Variants in TCF12 observed in about 807,000 individuals in gnomAD.
TCF12 encodes the protein transcription factor 12, also known as DNA-binding protein HTF4.
TCF12 carries 45 observed loss-of-function variants against 86.0 expected under a neutral mutation model. The ratio of observed to expected loss-of-function variants is 0.52; its 90% CI spans 0.41 to 0.67. The LOEUF is 0.67. TCF12 is among the 30% of genes least tolerant of loss of function. The pLI, the probability that TCF12 is intolerant of heterozygous loss-of-function variation, is 0.00. For synonymous variants in TCF12, 330 were observed against 299.6 expected (o/e 1.10, Z -1.05); for missense variants, 881 against 859.9 (o/e 1.02, Z -0.31).
chr15:57,197,902 A>G, intron 8 of TCF12, 77 bp downstream of exon 8: 3 of 1,451,264 alleles, frequency 2.1e-6, no homozygotes, highest in Non-Finnish European at 2.9e-6. Context: ...CTACAAGGGT[A>G]CATTCGATTG....
intron 5 of TCF12, among the ~76,000 whole-genome samples, chr15:57,102,314 A>G (rs2049815538): frequency 6.6e-6 from 1 of 152,170 alleles, no homozygotes. Context: ...TAAGTTACAT[A>G]TGGCCGGGCG....
chr15:57,258,925 T>G (rs1285057798), intron 16 of TCF12, among the ~76,000 whole-genome samples: 1 of 152,168 alleles, frequency 6.6e-6, no homozygotes, highest in East Asian at 1.9e-4. Context: ...AAATTTGAAA[T>G]CATTTTAATC....
intron 3 of TCF12, among the ~76,000 whole-genome samples, chr15:56,970,893 T>TA (rs58694609): frequency 4.8e-5 from 7 of 146,444 alleles, no homozygotes; most frequent in South Asian, 2.2e-4. Context: ...CTACAAAAAA[T>TA]AAAAAAAAAA....
chr15:57,134,046 G>A (rs1382457451), intron 5 of TCF12, among the ~76,000 whole-genome samples: 3 of 152,160 alleles, frequency 2.0e-5, no homozygotes, highest in African/African-American at 4.8e-5. Flanking sequence ...CACAAGAGTG[G>A]TGGTTTATTT....
intron 4 of TCF12, 107 bp downstream of exon 4, chr15:57,063,930 G>C (rs2068652654): frequency 1.1e-6 from 1 of 911,826 alleles, no homozygotes; most frequent in Non-Finnish European, 1.7e-6. Context: ...TTCTTTTCAT[G>C]GAAATGCAGT....
At chr15:57,208,389 T>TTTTTTTATTC (rs2057948408) in intron 8 of TCF12, among the ~76,000 whole-genome samples, 1 of 108,122 alleles carries the variant, frequency 9.2e-6, no homozygotes, top group Non-Finnish European at 1.8e-5. Flanking sequence ...CCTTTTTTTT[T>TTTTTTTATTC]TTTTTTTTTT....
intron 3 of TCF12, among the ~76,000 whole-genome samples, chr15:57,012,549 A>C (rs2064894877): frequency 6.6e-6 from 1 of 152,314 alleles, no homozygotes; most frequent in Admixed American, 6.5e-5. Flanking sequence ...GATAGAGTTT[A>C]GTGTGCAGGA....
intron 5 of TCF12, among the ~76,000 whole-genome samples, chr15:57,100,423 C>CT (rs571976256): frequency 0.098 from 12,843 of 130,812 alleles, 1,017 homozygotes; most frequent in Admixed American, 0.2. Context: ...TTCACTTCCT[C>CT]TTTTTTTTTT....
At chr15:57,091,973 C>A in intron 5 of TCF12, 82 bp downstream of exon 5, 1 of 1,157,098 alleles carries the variant, frequency 8.6e-7, no homozygotes, top group East Asian at 2.4e-5. Flanking sequence ...CCAGGAGGGA[C>A]AGGTAAGTAT....
chr15:57,027,868 G>A (rs566150916), intron 3 of TCF12, among the ~76,000 whole-genome samples: 1 of 152,186 alleles, frequency 6.6e-6, no homozygotes, highest in South Asian at 2.1e-4. Context: ...CTTGCCTGCC[G>A]CCATGCAAGA....
At chr15:57,052,449 T>G (rs2439918) in intron 3 of TCF12, among the ~76,000 whole-genome samples, 86,447 of 151,702 alleles carry the variant, frequency 0.57, 24,861 homozygotes, top group Admixed American at 0.61. Context: ...ACAGCCTGGC[T>G]AACATGGTGA....
At chr15:57,022,572 G>A (rs1264920511) in intron 3 of TCF12, among the ~76,000 whole-genome samples, 3 of 152,126 alleles carry the variant, frequency 2.0e-5, no homozygotes, top group African/African-American at 4.8e-5. Context: ...AATCCTTTGG[G>A]TATATACCCA....
chr15:56,971,159 C>A (rs1272151616), intron 3 of TCF12, among the ~76,000 whole-genome samples: 1 of 152,148 alleles, frequency 6.6e-6, no homozygotes, highest in South Asian at 2.1e-4. Flanking sequence ...AGCCTTGGCT[C>A]ACGCCTGTAA....
chr15:57,261,965 C>A, intron 16 of TCF12, 129 bp from the exon 17 acceptor site: 1 of 542,016 alleles, frequency 1.8e-6, no homozygotes, highest in Non-Finnish European at 3.2e-6. Context: ...ATAATGGCAT[C>A]CAGAAAAAGT....
chr15:57,183,868 C>A (rs1170666259), intron 6 of TCF12, among the ~76,000 whole-genome samples: 8 of 152,140 alleles, frequency 5.3e-5, no homozygotes, highest in Admixed American at 3.9e-4. Context: ...GGATACCTAA[C>A]TCCAAAACCA....
intron 12 of TCF12, among the ~76,000 whole-genome samples, chr15:57,242,138 A>G (rs1159546811): frequency 6.6e-6 from 1 of 152,176 alleles, no homozygotes; most frequent in Non-Finnish European, 1.5e-5. Context: ...TGTATGCTGT[A>G]AATTGGGTCT....
chr15:56,922,404 G>A (rs371059723), intron 3 of TCF12, among the ~76,000 whole-genome samples: 6 of 151,896 alleles, frequency 4.0e-5, no homozygotes, highest in African/African-American at 1.4e-4. Flanking sequence ...GCTGTTAGAA[G>A]TGCATTCTAT....
chr15:57,223,570 T>C (rs1279189847), intron 8 of TCF12, among the ~76,000 whole-genome samples: 2 of 148,988 alleles, frequency 1.3e-5, no homozygotes, highest in African/African-American at 4.9e-5. Context: ...TTTTAGCAAG[T>C]CTCCTCTTCT....
intron 3 of TCF12, among the ~76,000 whole-genome samples, chr15:57,035,982 C>T (rs1302150358): frequency 1.3e-5 from 2 of 152,170 alleles, no homozygotes; most frequent in East Asian, 3.8e-4. Flanking sequence ...ATTGCTCACT[C>T]CTTATGAAAA....
Sources: allele counts gnomAD v4.1 joint callset (sites outside exome capture counted in the v4.1 genomes callset), GRCh38; gene constraint gnomAD v4.1.1; transcripts MANE v1.5; gene names NCBI Gene and HGNC (gene_info 2026-07-23, HGNC 2026-07-21).